LOC128462377: variants seen among roughly 807,000 people sequenced by gnomAD.
chr16:89,371,372 G>A, the LOC128462377 span, among the ~76,000 whole-genome samples: 3 of 152,198 alleles, frequency 2.0e-5, no homozygotes, highest in African/African-American at 7.2e-5. Flanking sequence ...ATTTGGTGTC[G>A]TTTTATGTCA....
At chr16:89,338,227 G>T in the LOC128462377 span, among the ~76,000 whole-genome samples, 1 of 152,012 alleles carries the variant, frequency 6.6e-6, no homozygotes, top group Admixed American at 6.6e-5. Flanking sequence ...AGCCCAGCAC[G>T]TCCACTCAGT....
At chr16:89,319,632 A>G in the LOC128462377 span, among the ~76,000 whole-genome samples, 1 of 152,304 alleles carries the variant, frequency 6.6e-6, no homozygotes, top group East Asian at 1.9e-4. Context: ...CCGCCTCTCC[A>G]TGAACCACCA....
At chr16:89,337,006 C>CAA in the LOC128462377 span, among the ~76,000 whole-genome samples, 1 of 39,748 alleles carries the variant, frequency 2.5e-5, no homozygotes, top group African/African-American at 8.8e-5. Flanking sequence ...CCTGGCTCTA[C>CAA]CAAAAAAAAA....
chr16:89,318,935 T>G, the LOC128462377 span, among the ~76,000 whole-genome samples: 11 of 152,246 alleles, frequency 7.2e-5, no homozygotes, highest in Admixed American at 5.2e-4. Flanking sequence ...AATTTTACAT[T>G]CTCTTCCAAT....
At chr16:89,360,081 CG>C in the LOC128462377 span, among the ~76,000 whole-genome samples, 1 of 152,132 alleles carries the variant, frequency 6.6e-6, no homozygotes, top group Non-Finnish European at 1.5e-5. Flanking sequence ...AGTAGACCCC[CG>C]TGTCTGGTGT....
At chr16:89,371,555 C>T in the LOC128462377 span, among the ~76,000 whole-genome samples, 9 of 152,166 alleles carry the variant, frequency 5.9e-5, no homozygotes, top group Non-Finnish European at 1.2e-4. Context: ...GCTCAGATTC[C>T]GCCATGCTGC....
chr16:89,337,057 A>AC, the LOC128462377 span, among the ~76,000 whole-genome samples: 1 of 148,528 alleles, frequency 6.7e-6, no homozygotes, highest in Non-Finnish European at 1.5e-5. Flanking sequence ...GTGGTGGTGC[A>AC]CACCTGCAGT....
chr16:89,401,536 T>C, the LOC128462377 span, among the ~76,000 whole-genome samples: 1 of 152,234 alleles, frequency 6.6e-6, no homozygotes, highest in Non-Finnish European at 1.5e-5. Flanking sequence ...TTACATGTTT[T>C]ATCTTGGGTG....
At chr16:89,373,950 G>C in the LOC128462377 span, among the ~76,000 whole-genome samples, 4 of 152,258 alleles carry the variant, frequency 2.6e-5, no homozygotes, top group African/African-American at 4.8e-5. Context: ...CACCAAGCGG[G>C]CTGGGGCCCT....
At chr16:89,397,604 A>G in the LOC128462377 span, among the ~76,000 whole-genome samples, 1 of 152,218 alleles carries the variant, frequency 6.6e-6, no homozygotes, top group African/African-American at 2.4e-5. Context: ...CAAGGGGCCC[A>G]CCTGCCTCAG....
chr16:89,366,695 C>T, the LOC128462377 span, among the ~76,000 whole-genome samples: 4 of 152,126 alleles, frequency 2.6e-5, no homozygotes, highest in Non-Finnish European at 4.4e-5. Flanking sequence ...GACAGAGGTG[C>T]GGCACAGTCA....
At chr16:89,408,088 A>G in the LOC128462377 span, among the ~76,000 whole-genome samples, 3 of 152,282 alleles carry the variant, frequency 2.0e-5, no homozygotes, top group East Asian at 5.8e-4. Flanking sequence ...AAGCCACTGC[A>G]CATGTGTGAC....
At chr16:89,323,770 G>A in the LOC128462377 span, 6 of 252,250 alleles carry the variant, frequency 2.4e-5, no homozygotes, top group Admixed American at 1.1e-4. Context: ...CCTCAGGGCC[G>A]CACCAGCTCT....
At chr16:89,374,366 C>T in the LOC128462377 span, among the ~76,000 whole-genome samples, 1 of 143,388 alleles carries the variant, frequency 7.0e-6, no homozygotes, top group Non-Finnish European at 1.5e-5. Flanking sequence ...AATAATCACA[C>T]TCACCTGTTT....
chr16:89,343,404 T>C, the LOC128462377 span, among the ~76,000 whole-genome samples: 13 of 152,226 alleles, frequency 8.5e-5, no homozygotes, highest in African/African-American at 3.1e-4. Context: ...GCAAATTATT[T>C]CAAAGTAAAA....
the LOC128462377 span, among the ~76,000 whole-genome samples, chr16:89,368,850 T>C: frequency 0.029 from 4,429 of 152,252 alleles, 142 homozygotes; most frequent in African/African-American, 0.074. Context: ...CAGTGAGTCC[T>C]GACCAAGCCA....
the LOC128462377 span, among the ~76,000 whole-genome samples, chr16:89,319,258 C>T: frequency 2.0e-5 from 3 of 152,174 alleles, no homozygotes; most frequent in Non-Finnish European, 2.9e-5. Flanking sequence ...CCCGACAGTG[C>T]GGGGCTTATC....
chr16:89,386,291 CTTGA>C, the LOC128462377 span, among the ~76,000 whole-genome samples: 1 of 150,944 alleles, frequency 6.6e-6, no homozygotes, highest in African/African-American at 2.4e-5. Flanking sequence ...TTTTTTAAAG[CTTGA>C]TTATTAAGAC....
the LOC128462377 span, among the ~76,000 whole-genome samples, chr16:89,409,118 C>A: frequency 1.3e-5 from 2 of 152,162 alleles, no homozygotes; most frequent in Non-Finnish European, 2.9e-5. Flanking sequence ...AGCCCTGGGG[C>A]CAGGTATCAG....
Sources: allele counts gnomAD v4.1 joint callset (sites outside exome capture counted in the v4.1 genomes callset), GRCh38; gene constraint gnomAD v4.1.1; transcripts MANE v1.5.